The following RAB31 variants were observed in gnomAD, a reference collection of about 807,000 sequenced individuals.
RAB31 encodes the protein ras-related protein Rab-31.
RAB31 carries 21 observed loss-of-function variants against 25.6 expected under a neutral mutation model. That is an observed-to-expected ratio of 0.82 (90% CI 0.58 to 1.18). The LOEUF (loss-of-function observed/expected upper bound fraction) is 1.18, where lower values mean the gene tolerates loss of function less well. Among genes scored for constraint, RAB31 ranks in the 50% most tolerant of loss-of-function variants. The pLI is 0.00. For synonymous variants in RAB31, 87 were observed against 84.0 expected (o/e 1.04, Z -0.20); for missense variants, 196 against 250.1 (o/e 0.78, Z 1.46).
chr18:9,734,701 G>A (rs1010215061), intron 1 of RAB31, among the ~76,000 whole-genome samples: 3 of 152,304 alleles, frequency 2.0e-5, no homozygotes, highest in Admixed American at 6.5e-5. Flanking sequence ...AGTCTCTGGC[G>A]CCTCAGCACT....
chr18:9,722,366 T>A (rs923464903), intron 1 of RAB31, among the ~76,000 whole-genome samples: 2 of 152,106 alleles, frequency 1.3e-5, no homozygotes. Context: ...ATGTAAGCTG[T>A]GTTTTGAAGG....
chr18:9,860,039 G>C lies in RAB31; in HGVS notation c.*714G>C, dbSNP rs1304532905. On this transcript the variant is annotated 3_prime_UTR_variant, in exon 7 of 7. Transcript: ENST00000578921. Reference sequence around the variant, plus strand: ...TGGGATTGGGTGGCCTAGTTTGAAAGAGTGATTTAAGTAATCACTATGTAA... The same window carrying C: ...TGGGATTGGGTGGCCTAGTTTGAAACAGTGATTTAAGTAATCACTATGTAA... The C allele has an allele frequency of 1.3e-5, 2 of 152,224 alleles. No homozygotes were observed. The highest frequency in any genetic ancestry group is 2.9e-5 in the Non-Finnish European group (2 of 68,034). The allele number at this position is 152,224 out of a possible 1,614,324, so 9.4% of individuals were successfully genotyped here. A position where few individuals can be genotyped will look rare whatever the true frequency, so the allele number is the denominator to read the frequency against.
chr18:9,803,370 G>A (rs1426637053), intron 3 of RAB31, among the ~76,000 whole-genome samples: 2 of 151,816 alleles, frequency 1.3e-5, no homozygotes, highest in Non-Finnish European at 2.9e-5. Context: ...CGAGTAGCTG[G>A]GACTATAGGC....
intron 2 of RAB31, among the ~76,000 whole-genome samples, chr18:9,790,057 G>A (rs999111091): frequency 2.0e-5 from 3 of 152,108 alleles, no homozygotes; most frequent in Non-Finnish European, 2.9e-5. Flanking sequence ...CTATATGAAA[G>A]TAAGGTGAAG....
intron 1 of RAB31, among the ~76,000 whole-genome samples, chr18:9,721,352 T>A (rs1599011585): frequency 6.6e-6 from 1 of 152,200 alleles, no homozygotes; most frequent in African/African-American, 2.4e-5. Context: ...GGCTCATGCC[T>A]GTAGTAATCC....
intron 3 of RAB31, among the ~76,000 whole-genome samples, chr18:9,801,432 C>A (rs1270750717): frequency 2.6e-5 from 4 of 152,228 alleles, no homozygotes; most frequent in Non-Finnish European, 2.9e-5. Context: ...CAGCCAGCTG[C>A]CACCATGCCC....
At chr18:9,778,235 G>C (rs1220566452) in intron 2 of RAB31, among the ~76,000 whole-genome samples, 3 of 152,152 alleles carry the variant, frequency 2.0e-5, no homozygotes, top group African/African-American at 7.2e-5. Context: ...AGATTAAAGG[G>C]GGAGACACAG....
At position 9,708,378 on chromosome 18, in the gene RAB31, A is replaced by G. The variant is rs1555682420; in HGVS notation, c.-28A>G. The stretch of plus-strand genomic sequence containing the variant: ...GCGGCGGCCCCGGAGGATGCTGCTG[A>G]GCCCCGGCACTGCCTGGCTGCGAGC... On this transcript the variant is annotated 5_prime_UTR_variant, in exon 1 of 7. Transcript: ENST00000578921. This position sits in a 1 kb window ranked among gnomAD's most constrained non-coding sequence, Gnocchi z 6.4. 7 of 1,525,790 alleles carry G rather than the reference A, an allele frequency of 4.6e-6. No homozygotes were observed. The highest frequency in any genetic ancestry group is 4.4e-6 in the Non-Finnish European group (5 of 1,134,258). The allele number at this position is 1,525,790 out of a possible 1,614,324, so 94.5% of individuals were successfully genotyped here.
chr18:9,837,145 G>A (rs143524009), intron 5 of RAB31, among the ~76,000 whole-genome samples: 152 of 152,196 alleles, frequency 1.0e-3, no homozygotes, highest in African/African-American at 3.2e-3. Flanking sequence ...TGAGACACAC[G>A]GGGAGATTCA....
chr18:9,716,321 G>A (rs1038419317), intron 1 of RAB31, among the ~76,000 whole-genome samples: 7 of 152,074 alleles, frequency 4.6e-5, no homozygotes, highest in African/African-American at 1.7e-4. Context: ...TTTTTAACGT[G>A]ATCATGTATA....
chr18:9,859,013 G>A (rs2143160015), intron 6 of RAB31, among the ~76,000 whole-genome samples: 1 of 152,198 alleles, frequency 6.6e-6, no homozygotes, highest in Middle Eastern at 3.4e-3. Context: ...AACTTCCTAA[G>A]CCCATGAATT....
rs1161797158 is a variant in RAB31 at position 9,715,528 on chromosome 18, CTTT to C, written c.39+7101_39+7103del. 7.1e-3 allele frequency among the ~76,000 whole-genome samples: 913 copies of C among 128,166 alleles called. 9 individuals are homozygous for C. The highest frequency in any genetic ancestry group is 0.024 in the African/African-American group (835 of 34,162). 84.1% of individuals were successfully genotyped at this position (128,166 alleles called of 152,430 possible). On this transcript the variant is annotated intron_variant, in intron 1 of 6. Coordinates refer to ENST00000578921, the MANE Select transcript of RAB31 (RefSeq NM_006868.4). ...ACTTGTCCTTTGTCTCTCTCTCTCT[CTTT>C]TTTTTTTTTTTTTTTTGACATGGAG...
intron 1 of RAB31, among the ~76,000 whole-genome samples, chr18:9,719,332 TAA>T (rs56294602): frequency 0.035 from 2,067 of 59,786 alleles, 324 homozygotes; most frequent in East Asian, 0.11. Context: ...TATATATAAA[TAA>T]ATAAATTTGA....
intron 5 of RAB31, among the ~76,000 whole-genome samples, chr18:9,818,283 T>A (rs924059729): frequency 1.3e-5 from 2 of 152,214 alleles, no homozygotes; most frequent in Non-Finnish European, 2.9e-5. Context: ...TGTTAGTATA[T>A]TTTTAGAGTT....
In RAB31 at chr18:9,712,417, C is replaced by A. The variant is rs558340026; in HGVS notation, c.39+3973C>A. Among the ~76,000 whole-genome samples, 5 of 152,332 alleles carry A rather than the reference C, an allele frequency of 3.3e-5. No homozygotes were observed. The East Asian group carries it at 9.6e-4, about 29-fold the overall frequency. ...GGGTGTGCTTGATAGGGGGAAGCAC[C>A]CTGGGCAGGACCCCATGAGTTTCCT... On this transcript the variant is annotated intron_variant, in intron 1 of 6. Transcript: ENST00000578921.
At chr18:9,771,030 G>A (rs1361158564) in intron 1 of RAB31, among the ~76,000 whole-genome samples, 1 of 152,040 alleles carries the variant, frequency 6.6e-6, no homozygotes, top group Non-Finnish European at 1.5e-5. Context: ...AAATAGCAGG[G>A]TGTGGCGGTG....
Position 9,708,799 on chromosome 18 carries a change from C to A in RAB31, c.39+355C>A, listed in dbSNP as rs1394201444. ...CCCGGCCCGCGAGTCCCCGGATCCG[C>A]GGCGACCTCGCGGGGACCCCCAGCG... On this transcript the variant is annotated intron_variant, in intron 1 of 6. Transcript: ENST00000578921. The surrounding 1 kb of genome is among the most constrained non-coding windows in gnomAD (Gnocchi z 6.4). Among the ~76,000 whole-genome samples, 1 of 152,140 alleles carries A rather than the reference C, an allele frequency of 6.6e-6. No individual in the cohort carries two copies. The highest frequency in any genetic ancestry group is 1.5e-5 in the Non-Finnish European group (1 of 68,022).
chr18:9,828,077 A>T (rs1480680022), intron 5 of RAB31, among the ~76,000 whole-genome samples: 1 of 152,084 alleles, frequency 6.6e-6, no homozygotes, highest in Non-Finnish European at 1.5e-5. Flanking sequence ...GTGTTGGAGG[A>T]GGAAATTCCA....
At chr18:9,828,523 G>A (rs930853298) in intron 5 of RAB31, among the ~76,000 whole-genome samples, 2 of 152,112 alleles carry the variant, frequency 1.3e-5, no homozygotes, top group Admixed American at 6.5e-5. Context: ...TAGTGTACAC[G>A]GTCAAGTTAG....
Sources: allele counts gnomAD v4.1 joint callset (sites outside exome capture counted in the v4.1 genomes callset), GRCh38; gene constraint gnomAD v4.1.1; non-coding constraint Gnocchi (gnomAD v3.1); transcripts MANE v1.5; gene names NCBI Gene and HGNC (gene_info 2026-07-23, HGNC 2026-07-21).